NOX4: variants seen among roughly 807,000 people sequenced by gnomAD.
NOX4 encodes the protein kidney oxidase-1.
A neutral mutation model predicts 87.6 loss-of-function variants in NOX4; 69 were observed. That is an observed-to-expected ratio of 0.79 (90% CI 0.65 to 0.96). NOX4 has a LOEUF of 0.96. Ranked by LOEUF, NOX4 falls within the 40% of genes least tolerant of loss-of-function variation. The pLI is 0.00. For synonymous variants in NOX4, 275 were observed against 238.2 expected (o/e 1.15, Z -1.42); for missense variants, 680 against 681.5 (o/e 1.00, Z 0.02).
intron 12 of NOX4, among the ~76,000 whole-genome samples, chr11:89,371,842 G>A (rs1403683904): frequency 6.6e-6 from 1 of 151,800 alleles, no homozygotes; most frequent in Non-Finnish European, 1.5e-5. Context: ...TCATGACTCT[G>A]AATGAGTTAT....
chr11:89,476,080 C>T (rs772942886), intron 2 of NOX4, among the ~76,000 whole-genome samples: 152 of 152,252 alleles, frequency 1.0e-3, no homozygotes, highest in Non-Finnish European at 1.8e-3. Context: ...CCTACGATTG[C>T]TCATTAGGGT....
At chr11:89,500,716 T>C (rs1392370337), upstream of NOX4, among the ~76,000 whole-genome samples, 1 of 152,154 alleles carries the variant, frequency 6.6e-6, no homozygotes, top group African/African-American at 2.4e-5. Flanking sequence ...ATGAAAGATA[T>C]TATCTGAAGA....
intron 8 of NOX4, 62 bp from the exon 9 acceptor site, chr11:89,402,604 G>A: frequency 7.9e-7 from 1 of 1,262,632 alleles, no homozygotes; most frequent in Non-Finnish European, 1.1e-6. Flanking sequence ...AGGGGACACG[G>A]TAAAAGAAAA....
intron 2 of NOX4, among the ~76,000 whole-genome samples, chr11:89,471,257 C>T (rs138827802): frequency 9.5e-4 from 145 of 152,272 alleles, no homozygotes; most frequent in Non-Finnish European, 1.1e-3. Context: ...AGGGGCTGCA[C>T]AGGCAAGTGG....
At chr11:89,360,866 C>T (rs77995131) in intron 12 of NOX4, among the ~76,000 whole-genome samples, 1 of 152,134 alleles carries the variant, frequency 6.6e-6, no homozygotes, top group Non-Finnish European at 1.5e-5. Flanking sequence ...CATCACTAAT[C>T]ATCAGGGAAA....
the NOX4 span, among the ~76,000 whole-genome samples, chr11:89,557,927 G>A: frequency 6.6e-6 from 1 of 152,110 alleles, no homozygotes; most frequent in African/African-American, 2.4e-5. Flanking sequence ...AGACAGGAAA[G>A]AGAAGAAAAG....
At chr11:89,456,892 G>C (rs761469593) in intron 2 of NOX4, among the ~76,000 whole-genome samples, 14 of 152,276 alleles carry the variant, frequency 9.2e-5, no homozygotes, top group Admixed American at 3.9e-4. Context: ...GTTGGACCTG[G>C]ACAGAACATG....
At chr11:89,330,775 G>C (rs1470967489) in intron 17 of NOX4, among the ~76,000 whole-genome samples, 2 of 151,924 alleles carry the variant, frequency 1.3e-5, no homozygotes, top group South Asian at 2.1e-4. Context: ...TGAACTGCTA[G>C]ATTTAAAGCC....
chr11:89,418,001 T>A (rs1007738827), intron 8 of NOX4, among the ~76,000 whole-genome samples: 1 of 152,050 alleles, frequency 6.6e-6, no homozygotes, highest in African/African-American at 2.4e-5. Flanking sequence ...AAAAGAAACA[T>A]CTAGTTTAGT....
intron 11 of NOX4, among the ~76,000 whole-genome samples, chr11:89,382,742 C>G (rs185013974): frequency 6.6e-6 from 1 of 152,062 alleles, no homozygotes. Flanking sequence ...CCTGTTCACA[C>G]CCAGTCTGGC....
the NOX4 span, among the ~76,000 whole-genome samples, chr11:89,520,980 G>A: frequency 1.3e-5 from 2 of 152,022 alleles, no homozygotes; most frequent in African/African-American, 4.8e-5. Context: ...ATACGTCTAA[G>A]TAAGGAAGTG....
chr11:89,547,280 T>C, the NOX4 span, among the ~76,000 whole-genome samples: 51 of 152,296 alleles, frequency 3.3e-4, no homozygotes, highest in Middle Eastern at 6.8e-3. Context: ...AATCAGTTAC[T>C]TGATAAACAA....
At chr11:89,460,586 T>C (rs1172519895) in intron 2 of NOX4, among the ~76,000 whole-genome samples, 1 of 152,056 alleles carries the variant, frequency 6.6e-6, no homozygotes, top group African/African-American at 2.4e-5. Context: ...ATCAGAGAAA[T>C]GCAAATCAAA....
At chr11:89,369,625 C>G (rs1939287351) in intron 12 of NOX4, among the ~76,000 whole-genome samples, 1 of 151,956 alleles carries the variant, frequency 6.6e-6, no homozygotes, top group South Asian at 2.1e-4. Flanking sequence ...CCAGGCACTC[C>G]TTTGGGTATA....
At chr11:89,482,334 A>T (rs1203228848) in intron 2 of NOX4, among the ~76,000 whole-genome samples, 1 of 152,164 alleles carries the variant, frequency 6.6e-6, no homozygotes. Flanking sequence ...GAAGACTGAC[A>T]AAGTTGGTAT....
At chr11:89,442,783 A>C (rs2135360864) in intron 5 of NOX4, among the ~76,000 whole-genome samples, 1 of 152,286 alleles carries the variant, frequency 6.6e-6, no homozygotes, top group South Asian at 2.1e-4. Flanking sequence ...GAAATCACTA[A>C]AAATATTGGA....
At chr11:89,364,242 G>GTC (rs898167334) in intron 12 of NOX4, among the ~76,000 whole-genome samples, 15 of 151,570 alleles carry the variant, frequency 9.9e-5, no homozygotes, top group African/African-American at 3.6e-4. Flanking sequence ...GTGAGACCCT[G>GTC]TCTCTCTCTC....
chr11:89,339,899 T>A (rs573630034), intron 15 of NOX4, among the ~76,000 whole-genome samples, 164 bp downstream of exon 15: 1 of 152,316 alleles, frequency 6.6e-6, no homozygotes, highest in Admixed American at 6.5e-5. Flanking sequence ...TAACAGATAT[T>A]ATCTCTGATT....
At chr11:89,442,364 T>C (rs1269751863) in intron 5 of NOX4, among the ~76,000 whole-genome samples, 1 of 152,084 alleles carries the variant, frequency 6.6e-6, no homozygotes, top group Non-Finnish European at 1.5e-5. Context: ...AAACTAAAAA[T>C]GTACAACCTT....
Sources: gnomAD v4.1 joint callset for allele counts (sites outside exome capture counted in the v4.1 genomes callset) on GRCh38, gnomAD v4.1.1 for gene constraint, MANE v1.5 for transcripts, NCBI Gene and HGNC (gene_info 2026-07-23, HGNC 2026-07-21) for gene names.